HLA-DQA1: variants seen among roughly 807,000 people sequenced by gnomAD.
The protein encoded by HLA-DQA1 is major histocompatibility complex, class II, DQ alpha 1, also known as HLA class II histocompatibility antigen, DQ alpha 1 chain.
Under a neutral mutation model 20.7 loss-of-function variants are expected in HLA-DQA1, and 10 were observed. The ratio of observed to expected loss-of-function variants is 0.48; its 90% CI spans 0.30 to 0.82. The LOEUF (loss-of-function observed/expected upper bound fraction) is 0.82. HLA-DQA1 is among the 40% of genes least tolerant of loss of function. The pLI is 0.07. For missense variants in HLA-DQA1, 127 were observed against 293.0 expected (o/e 0.43, Z 4.14); for synonymous variants, 39 against 109.2 (o/e 0.36, Z 4.01).
chr6:32,638,914 T>G (rs36223157), intron 1 of HLA-DQA1: 23,610 of 345,206 alleles, frequency 0.068, 5,593 homozygotes, highest in African/African-American at 0.13. Context: ...CCTTTCAGGA[T>G]CCATCTCTGA....
At chr6:32,641,271 C>T (rs2150965615) in intron 1 of HLA-DQA1, 39 bp from the exon 2 acceptor site, 1 of 1,206,330 alleles carries the variant, frequency 8.3e-7, no homozygotes, top group Non-Finnish European at 1.2e-6. Flanking sequence ...CTTTCTTCCC[C>T]TGTTCTCCGC....
At chr6:32,652,673 G>A in the HLA-DQA1 span, among the ~76,000 whole-genome samples, 1 of 144,170 alleles carries the variant, frequency 6.9e-6, no homozygotes, top group African/African-American at 2.6e-5. Context: ...TGAAAAAAGG[G>A]TGCATGTACC....
Position 32,642,598 on chromosome 6 carries a change from T to G in HLA-DQA1, c.614-12T>G. 7.3e-7 allele frequency: 1 copy of G among 1,379,162 alleles called. No individual in the cohort carries two copies. Among genetic ancestry groups the G allele is most frequent in the Non-Finnish European group, 1.0e-6 (1 of 998,098 alleles). The allele number at this position is 1,379,162 out of a possible 1,614,324, so 85.4% of individuals were successfully genotyped here. A position where few individuals can be genotyped will look rare whatever the true frequency, so the allele number is the denominator to read the frequency against. On this transcript the variant is annotated splice_polypyrimidine_tract_variant and intron_variant, in intron 3 of 4. Coordinates refer to ENST00000343139, the MANE Select transcript of HLA-DQA1 (RefSeq NM_002122.5). ...ACTCTGCATTCTGACCTCAACAACT[T>G]CACTTCCACAGAGCCTGAGATTCCA...
the HLA-DQA1 span, among the ~76,000 whole-genome samples, chr6:32,654,746 G>A: frequency 1.0e-5 from 1 of 96,408 alleles, no homozygotes; most frequent in Non-Finnish European, 2.3e-5. Context: ...ACTGGGCATG[G>A]TGGTTCACGC....
chr6:32,640,557 GAAAAAA>G lies in HLA-DQA1; in HGVS notation c.83-744_83-739del, dbSNP rs75874670. On this transcript the variant is annotated intron_variant, in intron 1 of 4. Transcript: ENST00000343139. Reference sequence around the variant, plus strand: ...AGACATTTAGTAATCTCCTTCACAGGAAAAAAAAAAAAAAGGTGGGGGGAATGACAG... The same window carrying G: ...AGACATTTAGTAATCTCCTTCACAGGAAAAAAAAGGTGGGGGGAATGACAG... Among the ~76,000 whole-genome samples, 481 of 74,794 alleles carry G rather than the reference GAAAAAA, an allele frequency of 6.4e-3. 2 individuals are homozygous for G. The highest frequency in any genetic ancestry group is 7.7e-3 in the Non-Finnish European group (267 of 34,478). 49.1% of individuals were successfully genotyped at this position (74,794 alleles called of 152,430 possible). A position where few individuals can be genotyped will look rare whatever the true frequency, so the allele number is the denominator to read the frequency against.
intron 2 of HLA-DQA1, 40 bp from the exon 3 acceptor site, chr6:32,641,932 G>C (rs1388416477): frequency 8.4e-7 from 1 of 1,185,604 alleles, no homozygotes; most frequent in South Asian, 1.2e-5. Flanking sequence ...TCAGGGCAGA[G>C]CTATTCACAC....
downstream of HLA-DQA1, chr6:32,646,193 T>C (rs1430757977): frequency 6.1e-4 from 81 of 133,004 alleles, no homozygotes; most frequent in Admixed American, 6.2e-3. Flanking sequence ...TAAACAATTA[T>C]TTGAGCTATT....
chr6:32,647,686 C>A (rs1326993722), downstream of HLA-DQA1, among the ~76,000 whole-genome samples: 1 of 152,054 alleles, frequency 6.6e-6, no homozygotes, highest in Non-Finnish European at 1.5e-5. Flanking sequence ...TCTATGGGAA[C>A]CTCTCAGAAA....
At chr6:32,647,516 A>T (rs17843572), downstream of HLA-DQA1, among the ~76,000 whole-genome samples, 4,977 of 63,360 alleles carry the variant, frequency 0.079, 530 homozygotes, top group Middle Eastern at 0.11. Flanking sequence ...TACTGTACAC[A>T]GTTGAAGTTT....
chr6:32,641,820 G>A, intron 2 of HLA-DQA1, 152 bp from the exon 3 acceptor site: 1 of 598,696 alleles, frequency 1.7e-6, no homozygotes, highest in Non-Finnish European at 2.8e-6. Context: ...TAAAGCAGAG[G>A]CAATGTGTCG....
At chr6:32,655,211 TTC>T in the HLA-DQA1 span, among the ~76,000 whole-genome samples, 1 of 148,128 alleles carries the variant, frequency 6.8e-6, no homozygotes, top group Admixed American at 6.9e-5. Flanking sequence ...TTAAAATTTT[TTC>T]GAAGTGTAAC....
At chr6:32,651,078 C>T (rs1782163238), downstream of HLA-DQA1, among the ~76,000 whole-genome samples, 2 of 81,776 alleles carry the variant, frequency 2.4e-5, 1 homozygote, top group African/African-American at 8.5e-5. Flanking sequence ...TTAGTAGAGA[C>T]GGGGTTTCAC....
rs1180238150 is a variant in HLA-DQA1, at chr6:32,642,183, T to C, written c.543T>C (p.Pro181=). Residue 181 remains proline (P), a synonymous_variant, in exon 3 of 5, where the codon CCT becomes CCC. Transcript: ENST00000343139. ...FFKISYLTFL[P]SADEIYDCKV... ...AGATCAGTTACCTCACCTTCCTCCC[T>C]TCTGCTGATGAGATTTATGACTGCA... 7.1e-7 allele frequency: 1 copy of C among 1,417,156 alleles called. No individual in the cohort carries two copies. Among genetic ancestry groups the C allele is most frequent in the Non-Finnish European group, 9.7e-7 (1 of 1,031,194 alleles). 87.8% of individuals were successfully genotyped at this position (1,417,156 alleles called of 1,614,324 possible).
chr6:32,647,892 G>A (rs1274621810), downstream of HLA-DQA1, among the ~76,000 whole-genome samples: 1 of 151,984 alleles, frequency 6.6e-6, no homozygotes, highest in African/African-American at 2.4e-5. Flanking sequence ...TTAAAATAAG[G>A]TGAAAAGAGA....
Position 32,641,942 on chromosome 6 carries a change from C to T in HLA-DQA1, c.332-30C>T. The stretch of plus-strand genomic sequence containing the variant: ...GAACTTCAGGGCAGAGCTATTCACA[C>T]TTCACACCAGTGCTGTTTCCTCACC... On this transcript the variant is annotated intron_variant, in intron 2 of 4. Transcript: ENST00000343139. 3.8e-6 allele frequency: 5 copies of T among 1,324,400 alleles called. 1 individual carries two copies. Among genetic ancestry groups the T allele is most frequent in the Non-Finnish European group, 5.2e-6 (5 of 962,082 alleles). 82.0% of individuals were successfully genotyped at this position (1,324,400 alleles called of 1,614,324 possible).
downstream of HLA-DQA1, chr6:32,644,396 C>A (rs1272250897): frequency 1.3e-5 from 2 of 152,094 alleles, no homozygotes; most frequent in African/African-American, 4.8e-5. Flanking sequence ...GGACTCAGTA[C>A]TTTGAAGCTA....
chr6:32,653,905 C>T, the HLA-DQA1 span, among the ~76,000 whole-genome samples: 1,347 of 64,454 alleles, frequency 0.021, 56 homozygotes, highest in Admixed American at 0.031. Flanking sequence ...AGACAAATAC[C>T]ACATGACCTC....
chr6:32,642,454 C>T, intron 3 of HLA-DQA1, 156 bp from the exon 4 acceptor site: 3 of 660,956 alleles, frequency 4.5e-6, no homozygotes, highest in Admixed American at 3.3e-5. Flanking sequence ...TGGGAGTGGG[C>T]CTGCCACTTC....
At chr6:32,642,365 T>TTA (rs748519761) in intron 3 of HLA-DQA1, 112 bp downstream of exon 3, 2 of 691,390 alleles carry the variant, frequency 2.9e-6, no homozygotes, top group Non-Finnish European at 4.5e-6. Flanking sequence ...TGGGTTTCTT[T>TTA]TCTGTCTCTC....
Sources: gnomAD v4.1 joint callset for allele counts (sites outside exome capture counted in the v4.1 genomes callset) on GRCh38, gnomAD v4.1.1 for gene constraint, MANE v1.5 for transcripts, NCBI Gene and HGNC (gene_info 2026-07-23, HGNC 2026-07-21) for gene names.